CPSF4L: variants seen among roughly 807,000 people sequenced by gnomAD.
CPSF4L encodes putative cleavage and polyadenylation specificity factor subunit 4-like protein.
CPSF4L carries 18 observed loss-of-function variants against 24.0 expected under a neutral mutation model. That is an observed-to-expected ratio of 0.75 (90% CI 0.52 to 1.11). The LOEUF (loss-of-function observed/expected upper bound fraction) is 1.11, where lower values mean the gene tolerates loss of function less well. Among genes scored for constraint, CPSF4L ranks in the 50% least tolerant of loss-of-function variants. The pLI is 0.00. For missense variants in CPSF4L, 211 were observed against 221.8 expected (o/e 0.95, Z 0.31); for synonymous variants, 72 against 77.2 (o/e 0.93, Z 0.35).
chr17:73,259,357 A>ATT lies in CPSF4L; in HGVS notation c.155-1525_155-1524insAA, dbSNP rs760122382. Among the ~76,000 whole-genome samples the ATT allele has an allele frequency of 9.7e-3, 1,344 of 138,776 alleles. 6 individuals carry two copies. The highest frequency in any genetic ancestry group is 0.014 in the Non-Finnish European group (864 of 61,572). 91.0% of individuals were successfully genotyped at this position (138,776 alleles called of 152,430 possible). A position where few individuals can be genotyped will look rare whatever the true frequency, so the allele number is the denominator to read the frequency against. ...GTTCTTTCCATTTTTCCTTTTTTAA[A>ATT]AAAAAAAAATTATGTTTTGTAGAGA... On this transcript the variant is annotated intron_variant, in intron 2 of 5. Coordinates refer to ENST00000344935, the MANE Select transcript of CPSF4L (RefSeq NM_001129885.1).
downstream of CPSF4L, chr17:73,244,577 A>C (rs1482957103): frequency 1.3e-5 from 2 of 151,718 alleles, no homozygotes; most frequent in East Asian, 1.9e-4. Context: ...AAAAAAAAAA[A>C]AAAAAACCAC....
intron 5 of CPSF4L, chr17:73,250,220 T>C: frequency 1.3e-6 from 2 of 1,546,788 alleles, no homozygotes; most frequent in South Asian, 1.2e-5. Context: ...ATTGAGCATC[T>C]TCTCCTGACC....
At chr17:73,245,773 A>T (rs895888800), downstream of CPSF4L, 4 of 908,212 alleles carry the variant, frequency 4.4e-6, no homozygotes, top group African/African-American at 7.2e-5. Flanking sequence ...GCTGATTTTT[A>T]AAATAGCACA....
At chr17:73,249,398 T>A (rs533808565) in intron 5 of CPSF4L, among the ~76,000 whole-genome samples, 1 of 152,300 alleles carries the variant, frequency 6.6e-6, no homozygotes, top group South Asian at 2.1e-4. Context: ...GAAAACGGGC[T>A]TGAGGTAGAG....
chr17:73,257,781 C>T lies in CPSF4L; in HGVS notation c.207G>A (p.Lys69=). The T allele has an allele frequency of 6.4e-7, 1 of 1,551,686 alleles. No individual in the cohort carries two copies. The highest frequency in any genetic ancestry group is 8.7e-7 in the Non-Finnish European group (1 of 1,146,980). Residue 69 remains lysine (K), a synonymous_variant, in exon 3 of 6, where the codon AAG becomes AAA. Transcript: ENST00000344935. The part of the protein sequence containing the change: ...HDRGEKMVVC[K]HWLRGLCKKG... ...TCTTGCAGAGCCCCCGGAGCCAGTGCTTGCATACCACCATCTTCTCCCCTC... is the reference window on the plus strand; with the variant it reads ...TCTTGCAGAGCCCCCGGAGCCAGTGTTTGCATACCACCATCTTCTCCCCTC...
At chr17:73,253,903 T>G in intron 4 of CPSF4L, 28 bp downstream of exon 4, 1 of 1,499,286 alleles carries the variant, frequency 6.7e-7, no homozygotes, top group Non-Finnish European at 9.1e-7. Flanking sequence ...CCACAGCCCC[T>G]AGGGCTCCCT....
chr17:73,255,162 A>G (rs533964335), intron 3 of CPSF4L, among the ~76,000 whole-genome samples: 2 of 152,092 alleles, frequency 1.3e-5, no homozygotes, highest in South Asian at 2.1e-4. Flanking sequence ...AGGAAGATCT[A>G]TTTTATACAC....
At chr17:73,256,813 G>A (rs2062026063) in intron 3 of CPSF4L, among the ~76,000 whole-genome samples, 1 of 152,168 alleles carries the variant, frequency 6.6e-6, no homozygotes, top group African/African-American at 2.4e-5. Flanking sequence ...GATCACCTGA[G>A]GTCAGGAGTT....
intron 3 of CPSF4L, among the ~76,000 whole-genome samples, chr17:73,255,223 G>C (rs2062020276): frequency 6.6e-6 from 1 of 152,096 alleles, no homozygotes; most frequent in Non-Finnish European, 1.5e-5. Context: ...CCCTAGGCCA[G>C]GCACAGTGGC....
At chr17:73,246,638 C>T (rs1238471163), downstream of CPSF4L, among the ~76,000 whole-genome samples, 2 of 152,188 alleles carry the variant, frequency 1.3e-5, no homozygotes, top group East Asian at 3.9e-4. Context: ...CTACTTTTTA[C>T]CTACCTTTTC....
At chr17:73,260,246 A>G (rs1387627618) in intron 2 of CPSF4L, among the ~76,000 whole-genome samples, 1 of 152,150 alleles carries the variant, frequency 6.6e-6, no homozygotes, top group African/African-American at 2.4e-5. Flanking sequence ...GGAAATCAAG[A>G]AAAACATTAA....
chr17:73,260,971 G>A lies in CPSF4L; in HGVS notation c.116C>T (p.Ala39Val). 1.3e-6 allele frequency: 2 copies of A among 1,550,290 alleles called. No homozygotes were observed. The highest frequency in any genetic ancestry group is 1.2e-5 in the South Asian group (1 of 84,036). Residue 39 changes from alanine to valine, a missense_variant, in exon 2 of 6, where the codon GCT becomes GTT. Transcript: ENST00000344935. The stretch of plus-strand genomic sequence containing the variant: ...CCCTTTAGTGAAGAAGTTGCACACA[G>A]CTGAGGCCGACTCTGGAAGGAGAAG... ...PFQGMDKSAS[A>V]VCNFFTKGLC...
chr17:73,256,724 C>T (rs2145280305), intron 3 of CPSF4L, among the ~76,000 whole-genome samples: 1 of 152,230 alleles, frequency 6.6e-6, no homozygotes, highest in Middle Eastern at 3.4e-3. Flanking sequence ...TAAACAGTCC[C>T]TTGATTAAAA....
At chr17:73,253,001 A>AC (rs2062011480) in intron 4 of CPSF4L, among the ~76,000 whole-genome samples, 1 of 18,768 alleles carries the variant, frequency 5.3e-5, no homozygotes, top group African/African-American at 7.9e-5. Context: ...GTCCTGGAGG[A>AC]CTGCATGGAT....
At chr17:73,244,173 A>T (rs190101103), downstream of CPSF4L, among the ~76,000 whole-genome samples, 986 of 152,300 alleles carry the variant, frequency 6.5e-3, 7 homozygotes, top group African/African-American at 0.022. Context: ...TTGTATTATT[A>T]AAAAAATCCT....
the CPSF4L span, chr17:73,243,097 T>TTTTG: frequency 1.0e-6 from 1 of 978,132 alleles, no homozygotes; most frequent in Non-Finnish European, 1.5e-6. Flanking sequence ...TTTTTTTTTT[T>TTTTG]TTTTACAGCT....
At chr17:73,242,998 G>A in the CPSF4L span, 113 of 1,610,368 alleles carry the variant, frequency 7.0e-5, no homozygotes, top group Admixed American at 6.2e-4. Context: ...AGTTTCAGAC[G>A]TCTGAGTAAG....
chr17:73,251,134 T>C, intron 5 of CPSF4L: 1 of 1,514,954 alleles, frequency 6.6e-7, no homozygotes, highest in South Asian at 1.3e-5. Flanking sequence ...AGAAAACACC[T>C]ACTGCAGATA....
chr17:73,258,881 T>G lies in CPSF4L; in HGVS notation c.155-1048A>C, dbSNP rs984496800. ...CCATCTTTAAAAACATCAAATGTTA[T>G]GCTTCCCGATTCCAGAGACCTAACA... On this transcript the variant is annotated intron_variant, in intron 2 of 5. Coordinates refer to ENST00000344935, the MANE Select transcript of CPSF4L (RefSeq NM_001129885.1). Among the ~76,000 whole-genome samples the G allele has an allele frequency of 7.2e-5, 11 of 152,342 alleles. No homozygotes were observed. The East Asian group carries it at 2.1e-3, about 29-fold the overall frequency.
Sources: gnomAD v4.1 joint callset for allele counts (sites outside exome capture counted in the v4.1 genomes callset) on GRCh38, gnomAD v4.1.1 for gene constraint, MANE v1.5 for transcripts, NCBI Gene and HGNC (gene_info 2026-07-23, HGNC 2026-07-21) for gene names.